The following SCAF11 variants were observed in gnomAD, a reference collection of about 807,000 sequenced individuals.
The protein encoded by SCAF11 is SR-related CTD associated factor 11, also known as protein SCAF11.
In SCAF11, 47 loss-of-function variants were observed where a neutral mutation model predicts 140.5. The ratio of observed to expected loss-of-function variants is 0.33; its 90% CI spans 0.26 to 0.43. SCAF11 has a LOEUF of 0.43. SCAF11 is among the 20% of genes least tolerant of loss of function. The probability of loss-of-function intolerance (pLI) is 1.00; values close to 1 mark genes in which losing one functional copy is unlikely to be tolerated. For missense variants in SCAF11, 1,645 were observed against 1,705.1 expected (o/e 0.96, Z 0.62); for synonymous variants, 557 against 579.4 (o/e 0.96, Z 0.55).
intron 1 of SCAF11, among the ~76,000 whole-genome samples, chr12:45,965,093 T>C (rs1013132205): frequency 2.6e-5 from 4 of 152,194 alleles, no homozygotes; most frequent in South Asian, 2.1e-4. Context: ...GGCTAGATTA[T>C]AGATGGATCG....
intron 1 of SCAF11, among the ~76,000 whole-genome samples, chr12:45,981,298 A>G (rs561748783): frequency 6.6e-6 from 1 of 152,338 alleles, no homozygotes; most frequent in Non-Finnish European, 1.5e-5. Flanking sequence ...AGGGATGAAG[A>G]GTCAAAAACG....
intron 3 of SCAF11, among the ~76,000 whole-genome samples, chr12:45,953,167 C>T (rs1191445620): frequency 1.3e-5 from 2 of 152,154 alleles, no homozygotes; most frequent in Admixed American, 6.5e-5. Context: ...CTTTTAAGTA[C>T]TATGGATTTA....
In SCAF11 at chr12:45,925,090, A is replaced by G. The variant is rs779585223; in HGVS notation, c.3560-16T>C. 6.4e-7 allele frequency: 1 copy of G among 1,574,200 alleles called. No individual in the cohort carries two copies. The highest frequency in any genetic ancestry group is 1.9e-5 in the Admixed American group (1 of 53,624). ...AGGCTAGAATCTATCAAAAGAAAAA[A>G]AGCTTGTGAAAAAAATCATGTTATA... On this transcript the variant is annotated splice_polypyrimidine_tract_variant and intron_variant, in intron 11 of 14. Transcript: ENST00000369367.
intron 13 of SCAF11, 74 bp from the exon 14 acceptor site, chr12:45,922,656 A>T: frequency 7.3e-7 from 1 of 1,378,186 alleles, no homozygotes; most frequent in Non-Finnish European, 9.8e-7. Context: ...CAAGAAATTG[A>T]AAATACTTCA....
intron 6 of SCAF11, among the ~76,000 whole-genome samples, chr12:45,941,339 T>C (rs1284072176): frequency 2.0e-5 from 3 of 152,210 alleles, no homozygotes; most frequent in Non-Finnish European, 4.4e-5. Flanking sequence ...TGTTCTGATA[T>C]ACGTACACAT....
chr12:45,932,189 T>C (rs1384606793), intron 9 of SCAF11, among the ~76,000 whole-genome samples: 1 of 152,140 alleles, frequency 6.6e-6, no homozygotes, highest in African/African-American at 2.4e-5. Flanking sequence ...CTATGTTATA[T>C]TCTAAAATTC....
At position 45,927,054 on chromosome 12, in the gene SCAF11, G is replaced by A; in HGVS notation, c.2647C>T (p.Pro883Ser). ...TTCTCTCTAGAAGTTTCTCTTCTTG[G>A]GGACAGTGATTCAGATCTTCTGCTT... ...RESRRSESLSPRRETSRENKR... is the reference protein window; with the variant it reads ...RESRRSESLSSRRETSRENKR... Residue 883 changes from proline (P) to serine (S), a missense_variant, in exon 11 of 15, where the codon CCA becomes TCA. By Grantham distance (74) the Pro-to-Ser change is moderately conservative (BLOSUM62 -1). Transcript: ENST00000369367. The A allele has an allele frequency of 3.7e-6, 6 of 1,613,966 alleles. No homozygotes were observed. The highest frequency in any genetic ancestry group is 4.2e-6 in the Non-Finnish European group (5 of 1,180,006).
chr12:45,945,378 C>A, intron 5 of SCAF11, 65 bp from the exon 6 acceptor site: 3 of 911,876 alleles, frequency 3.3e-6, no homozygotes, highest in South Asian at 2.9e-5. Context: ...CACTTATTTT[C>A]AACTCATTCT....
At chr12:45,939,667 G>A (rs1011027504) in intron 6 of SCAF11, among the ~76,000 whole-genome samples, 2 of 152,134 alleles carry the variant, frequency 1.3e-5, no homozygotes, top group Admixed American at 1.3e-4. Context: ...CATTGAGATC[G>A]TGCCATTGCA....
At chr12:45,967,040 T>G (rs1051272824) in intron 1 of SCAF11, among the ~76,000 whole-genome samples, 1 of 152,198 alleles carries the variant, frequency 6.6e-6, no homozygotes, top group South Asian at 2.1e-4. Flanking sequence ...GTCTAACCTA[T>G]GCTATTTTCA....
At position 45,934,502 on chromosome 12, in the gene SCAF11, T is replaced by C. The variant is rs1466614269; in HGVS notation, c.467A>G (p.Asn156Ser). 18 of 1,576,462 alleles carry C rather than the reference T, an allele frequency of 1.1e-5. No individual in the cohort carries two copies. The highest frequency in any genetic ancestry group is 1.5e-5 in the Non-Finnish European group (18 of 1,166,884). Residue 156 changes from asparagine to serine, a missense_variant, in exon 7 of 15, where the codon AAC (asparagine) becomes AGC (serine). By Grantham distance (46) the Asn-to-Ser change is conservative. This residue lies in a region of SCAF11 where 1,582 missense variants were observed against 1,609.2 expected (regional missense o/e 0.98). Coordinates refer to ENST00000369367, the MANE Select transcript of SCAF11 (RefSeq NM_004719.3). Reference protein sequence around the residue: ...KVCDLKWIHRNSLYSETGGKK... With the variant: ...KVCDLKWIHRSSLYSETGGKK... ...TCCTCCTGTTTCACTGTATAAAGAG[T>C]TTCCTGTACAAAGACATAAAAGGAC...
chr12:45,958,881 G>A (rs1364697344), intron 3 of SCAF11, among the ~76,000 whole-genome samples: 2 of 152,130 alleles, frequency 1.3e-5, no homozygotes, highest in African/African-American at 2.4e-5. Flanking sequence ...AACTAACTTT[G>A]ATCTATGTGG....
intron 3 of SCAF11, among the ~76,000 whole-genome samples, chr12:45,956,848 T>A (rs1408366225): frequency 8.5e-5 from 13 of 152,334 alleles, no homozygotes; most frequent in African/African-American, 2.6e-4. Flanking sequence ...ACCTTACTGG[T>A]AAACAGAGTA....
At position 45,948,315 on chromosome 12, in the gene SCAF11, G is replaced by A. The variant is rs1280211154; in HGVS notation, c.398+122C>T. The A allele has an allele frequency of 1.1e-5, 7 of 639,384 alleles. No homozygotes were observed. The East Asian group carries it at 1.5e-4, about 14-fold the overall frequency. 39.6% of individuals were successfully genotyped at this position (639,384 alleles called of 1,614,324 possible). A position where few individuals can be genotyped will look rare whatever the true frequency, so the allele number is the denominator to read the frequency against. On this transcript the variant is annotated intron_variant, in intron 5 of 14. Transcript: ENST00000369367. ...CTAGTCCCTCCTTAAATTATCAAGT[G>A]TGTGCTTTTGAATAAGTGATTAAAT... is the stretch of plus-strand genomic sequence containing the variant.
At chr12:45,973,306 G>A (rs1359649336) in intron 1 of SCAF11, among the ~76,000 whole-genome samples, 1 of 151,016 alleles carries the variant, frequency 6.6e-6, no homozygotes, top group Non-Finnish European at 1.5e-5. Flanking sequence ...AAAGGCTTAG[G>A]GACCTGTGAG....
At chr12:45,958,979 T>C (rs191953793) in intron 3 of SCAF11, among the ~76,000 whole-genome samples, 3 of 152,346 alleles carry the variant, frequency 2.0e-5, no homozygotes, top group Admixed American at 1.3e-4. Context: ...ATGTGTTCAA[T>C]GCCTAAAATA....
Position 45,934,449 on chromosome 12 carries a change from T to C in SCAF11, c.520A>G (p.Lys174Glu), listed in dbSNP as rs1565666219. 1 of 1,592,338 alleles carries C rather than the reference T, an allele frequency of 6.3e-7. No individual in the cohort carries two copies. Residue 174 changes from lysine (K) to glutamate (E), a missense_variant and splice_region_variant, in exon 7 of 15, where the codon AAG becomes GAG. Lys to Glu is a moderately conservative substitution (Grantham distance 56, BLOSUM62 1). This residue lies in a region of SCAF11 where 1,582 missense variants were observed against 1,609.2 expected (regional missense o/e 0.98). Coordinates refer to ENST00000369367, the MANE Select transcript of SCAF11 (RefSeq NM_004719.3). ...GKKNAAIKINKPQRSNWSTNQ... is the reference protein window; with the variant it reads ...GKKNAAIKINEPQRSNWSTNQ... ...GATTTTTCTTGGTTTCAACAAACCTTATTTATCTTTATTGCTGCATTTTTC... is the reference window on the plus strand; with the variant it reads ...GATTTTTCTTGGTTTCAACAAACCTCATTTATCTTTATTGCTGCATTTTTC...
At chr12:45,931,663 C>T (rs903096610) in intron 9 of SCAF11, 51 bp from the exon 10 acceptor site, 1 of 955,196 alleles carries the variant, frequency 1.0e-6, no homozygotes, top group African/African-American at 1.8e-5. Context: ...AAAATTAAAC[C>T]ACCAATTTAA....
intron 1 of SCAF11, among the ~76,000 whole-genome samples, chr12:45,976,029 C>G (rs116103118): frequency 2.7e-4 from 41 of 152,236 alleles, no homozygotes; most frequent in African/African-American, 9.4e-4. Flanking sequence ...AGAATTGCCA[C>G]AATCTTCAAT....
Sources: gnomAD v4.1 joint callset for allele counts (sites outside exome capture counted in the v4.1 genomes callset) on GRCh38, gnomAD v4.1.1 for gene constraint, gnomAD v4.1.1 regional missense constraint, MANE v1.5 for transcripts, NCBI Gene and HGNC (gene_info 2026-07-23, HGNC 2026-07-21) for gene names.